Variants in C9 observed in about 807,000 individuals in gnomAD.
C9 encodes complement component C9.
In C9, 63 loss-of-function variants were observed where a neutral mutation model predicts 65.4. The ratio of observed to expected loss-of-function variants is 0.96; its 90% CI spans 0.79 to 1.19. The LOEUF (loss-of-function observed/expected upper bound fraction) is 1.19. Ranked by LOEUF, C9 falls within the 50% of genes most tolerant of loss-of-function variation. The probability of loss-of-function intolerance (pLI) is 0.00; values close to 1 mark genes in which losing one functional copy is unlikely to be tolerated. For synonymous variants in C9, 229 were observed against 227.9 expected (o/e 1.00, Z -0.04); for missense variants, 744 against 670.1 (o/e 1.11, Z -1.22).
In C9 at chr5:39,288,731, AT is replaced by A. The variant is rs1258811284; in HGVS notation, c.1636del (p.Ile546PhefsTer8). The stretch of plus-strand genomic sequence containing the variant: ...AAATAAATTGTCCTCACCTTCAGAA[AT>A]TTTTTGTTTACTGATTTCACAGGCA... ...GIACEISKQKISEGLPALEFP... is the reference protein window; with the variant it reads ...GIACEISKQKXSEGLPALEFP... On this transcript the variant is annotated frameshift_variant, in exon 10 of 11. Transcript: ENST00000263408. LOFTEE classifies it high-confidence loss of function. 27 of 1,601,644 alleles carry A rather than the reference AT, an allele frequency of 1.7e-5. No homozygotes were observed. The highest frequency in any genetic ancestry group is 2.2e-5 in the Non-Finnish European group (26 of 1,169,186).
chr5:39,312,700 C>T (rs562928869), intron 6 of C9, among the ~76,000 whole-genome samples: 1 of 152,294 alleles, frequency 6.6e-6, no homozygotes, highest in South Asian at 2.1e-4. Flanking sequence ...TTGACACCCA[C>T]AATTTTGCAA....
chr5:39,341,052 C>T (rs1422962352), intron 4 of C9, 94 bp downstream of exon 4: 1 of 1,388,934 alleles, frequency 7.2e-7, no homozygotes, highest in Non-Finnish European at 1.0e-6. Context: ...ACCTATGTCC[C>T]TCGCACAAAT....
intron 3 of C9, 50 bp from the exon 4 acceptor site, chr5:39,341,343 CT>C (rs537648004): frequency 3.2e-5 from 51 of 1,604,994 alleles, no homozygotes; most frequent in Non-Finnish European, 4.3e-5. Context: ...CAAATTTTCT[CT>C]TTCTTTCTGA....
At chr5:39,349,130 C>T (rs531241349) in intron 1 of C9, among the ~76,000 whole-genome samples, 18 of 151,522 alleles carry the variant, frequency 1.2e-4, no homozygotes, top group East Asian at 5.8e-4. Flanking sequence ...ATGTAACCAA[C>T]GTGCACGTTG....
rs558089626 is a variant in C9, at chr5:39,300,434, G to A, written c.1416+6183C>T. On this transcript the variant is annotated intron_variant, in intron 9 of 10. Transcript: ENST00000263408. ...CTTTAAAACAAAAACAAAAAGAAAA[G>A]AAGCAAAAAGAAAAGAAAAAGAAAA... Among the ~76,000 whole-genome samples the A allele has an allele frequency of 1.8e-4, 27 of 151,646 alleles. No homozygotes were observed. In the East Asian group the frequency reaches 5.0e-3, roughly 28 times the overall value.
rs370519819 is a variant in C9, at chr5:39,284,468, A to T, written c.*731T>A. 6.6e-6 allele frequency: 1 copy of T among 152,214 alleles called. No homozygotes were observed. The highest frequency in any genetic ancestry group is 1.5e-5 in the Non-Finnish European group (1 of 68,040). 9.4% of individuals were successfully genotyped at this position (152,214 alleles called of 1,614,324 possible). ...ATGTTTTTTCTTGTAAAATATGATC[A>T]AATAGAAGGAATTTCACATAATTTA... is the stretch of plus-strand genomic sequence containing the variant. On this transcript the variant is annotated 3_prime_UTR_variant, in exon 11 of 11. Coordinates refer to ENST00000263408, the MANE Select transcript of C9 (RefSeq NM_001737.5).
At chr5:39,342,859 T>G (rs1754115618) in intron 1 of C9, among the ~76,000 whole-genome samples, 1 of 152,212 alleles carries the variant, frequency 6.6e-6, no homozygotes, top group Non-Finnish European at 1.5e-5. Flanking sequence ...AAGGCTTTTC[T>G]GGCTTTGAAC....
chr5:39,290,185 T>C (rs1251439291), intron 9 of C9, among the ~76,000 whole-genome samples: 1 of 151,796 alleles, frequency 6.6e-6, no homozygotes, highest in African/African-American at 2.4e-5. Context: ...GATACAAAAT[T>C]GTAGTTAGAT....
At chr5:39,364,130 G>T (rs952472497) in intron 1 of C9, among the ~76,000 whole-genome samples, 1 of 152,102 alleles carries the variant, frequency 6.6e-6, no homozygotes, top group Non-Finnish European at 1.5e-5. Flanking sequence ...TATAATTCCA[G>T]ATATTTAAAG....
chr5:39,324,601 C>G (rs1368017131), intron 5 of C9, among the ~76,000 whole-genome samples: 1 of 151,998 alleles, frequency 6.6e-6, no homozygotes, highest in African/African-American at 2.4e-5. Flanking sequence ...ATGGTAGTGG[C>G]GAGTACAGCC....
intron 9 of C9, among the ~76,000 whole-genome samples, chr5:39,303,475 A>G (rs555697393): frequency 4.6e-4 from 69 of 151,042 alleles, no homozygotes; most frequent in African/African-American, 1.6e-3. Context: ...GTACGGAAAA[A>G]TATATAACTG....
intron 5 of C9, among the ~76,000 whole-genome samples, chr5:39,330,004 G>A (rs770433885): frequency 5.3e-5 from 8 of 152,204 alleles, no homozygotes; most frequent in Non-Finnish European, 8.8e-5. Flanking sequence ...ACGGAGTGAT[G>A]TGGAGGCCTT....
At chr5:39,310,584 T>C (rs1184556708) in intron 7 of C9, among the ~76,000 whole-genome samples, 1 of 152,066 alleles carries the variant, frequency 6.6e-6, no homozygotes, top group Non-Finnish European at 1.5e-5. Flanking sequence ...CTACTTAACA[T>C]GAGCCCAATT....
chr5:39,323,776 T>C (rs1033272610), intron 5 of C9, among the ~76,000 whole-genome samples: 7 of 152,026 alleles, frequency 4.6e-5, no homozygotes, highest in East Asian at 1.9e-4. Context: ...AGGATGCCCA[T>C]TGTATCTCTG....
In C9 at chr5:39,364,385, C is replaced by A; in HGVS notation, c.77+3G>T. On this transcript the variant is annotated splice_donor_region_variant and intron_variant, in intron 1 of 10. Transcript: ENST00000263408. ...GAGACAAGCAGAAAAGTAACTGACT[C>A]ACCTGGTCGTGTACTGTGCTGTGAG... is the stretch of plus-strand genomic sequence containing the variant. The A allele has an allele frequency of 6.4e-7, 1 of 1,558,588 alleles. No individual in the cohort carries two copies. The highest frequency in any genetic ancestry group is 1.1e-5 in the South Asian group (1 of 90,020).
chr5:39,360,427 C>A (rs1007247727), intron 1 of C9, among the ~76,000 whole-genome samples: 2 of 151,988 alleles, frequency 1.3e-5, no homozygotes, highest in Non-Finnish European at 2.9e-5. Context: ...TCTTCTAAAC[C>A]CCAATCTAGT....
At chr5:39,358,427 G>C (rs1285305832) in intron 1 of C9, among the ~76,000 whole-genome samples, 1 of 152,168 alleles carries the variant, frequency 6.6e-6, no homozygotes, top group Non-Finnish European at 1.5e-5. Context: ...ATGCCCTGGG[G>C]AACAGGGAAG....
At chr5:39,348,586 G>C (rs1222800873) in intron 1 of C9, among the ~76,000 whole-genome samples, 1 of 152,120 alleles carries the variant, frequency 6.6e-6, no homozygotes, top group Non-Finnish European at 1.5e-5. Flanking sequence ...CTGTAAACTA[G>C]TTCAACCATT....
intron 4 of C9, among the ~76,000 whole-genome samples, chr5:39,336,133 G>A (rs1299267152): frequency 6.6e-6 from 1 of 152,032 alleles, no homozygotes; most frequent in Non-Finnish European, 1.5e-5. Flanking sequence ...AAATGCTGTA[G>A]TGATGCTGGG....
Sources: gnomAD v4.1 joint callset for allele counts (sites outside exome capture counted in the v4.1 genomes callset) on GRCh38, gnomAD v4.1.1 for gene constraint, MANE v1.5 for transcripts, NCBI Gene and HGNC (gene_info 2026-07-23, HGNC 2026-07-21) for gene names.